Variants in CNTNAP5 observed in about 807,000 individuals in gnomAD.
CNTNAP5 encodes contactin associated protein family member 5.
CNTNAP5 carries 72 observed loss-of-function variants against 150.2 expected under a neutral mutation model. The ratio of observed to expected loss-of-function variants is 0.48; its 90% CI spans 0.40 to 0.58. The LOEUF is 0.58. Among genes scored for constraint, CNTNAP5 ranks in the 20% least tolerant of loss-of-function variants. CNTNAP5 has a pLI of 0.00. For synonymous variants in CNTNAP5, 672 were observed against 619.8 expected (o/e 1.08, Z -1.25); for missense variants, 1,636 against 1,626.2 (o/e 1.01, Z -0.10).
chr2:124,790,192 C>T (rs549828539), intron 18 of CNTNAP5, 51 bp downstream of exon 18: 30 of 1,527,686 alleles, frequency 2.0e-5, no homozygotes, highest in Middle Eastern at 1.8e-4. Context: ...ATCACCTATA[C>T]GCTATGGTCA....
chr2:124,760,805 A>C (rs1005499088), intron 14 of CNTNAP5, among the ~76,000 whole-genome samples: 7 of 152,068 alleles, frequency 4.6e-5, no homozygotes, highest in African/African-American at 7.2e-5. Context: ...GTATGTATTG[A>C]GTTTCTACTA....
intron 7 of CNTNAP5, among the ~76,000 whole-genome samples, chr2:124,489,862 A>G (rs1390759756): frequency 2.0e-5 from 3 of 152,158 alleles, no homozygotes. Flanking sequence ...GCTCCCTTCA[A>G]GGAGCCTTCC....
At chr2:124,639,275 T>C (rs1273941659) in intron 12 of CNTNAP5, among the ~76,000 whole-genome samples, 1 of 152,142 alleles carries the variant, frequency 6.6e-6, no homozygotes, top group African/African-American at 2.4e-5. Flanking sequence ...AGACCACCCG[T>C]TGGAGAGGCC....
At position 124,099,764 on chromosome 2, in the gene CNTNAP5, G is replaced by A. The variant is rs115761492; in HGVS notation, c.82+74032G>A. On this transcript the variant is annotated intron_variant, in intron 1 of 23. Coordinates refer to ENST00000682447, the MANE Select transcript of CNTNAP5 (RefSeq NM_001367498.1). The stretch of plus-strand genomic sequence containing the variant: ...GGCAGAAGAGGGGCAGGCACCTTAC[G>A]TGGCAGGAACAGGACCAAGAGAACA... Among the ~76,000 whole-genome samples the A allele has an allele frequency of 7.6e-3, 1,162 of 152,196 alleles. 9 individuals are homozygous for A. The highest frequency in any genetic ancestry group is 0.026 in the African/African-American group (1,080 of 41,518).
intron 3 of CNTNAP5, among the ~76,000 whole-genome samples, chr2:124,251,180 A>T (rs1430707492): frequency 6.6e-6 from 1 of 152,144 alleles, no homozygotes; most frequent in Non-Finnish European, 1.5e-5. Context: ...GATGCCCCTA[A>T]GTTTGTCTAA....
chr2:124,739,390 G>C (rs1680453438), intron 13 of CNTNAP5, among the ~76,000 whole-genome samples: 1 of 152,066 alleles, frequency 6.6e-6, no homozygotes, highest in Non-Finnish European at 1.5e-5. Flanking sequence ...TCTCAGAAAC[G>C]GTATTCTATT....
Position 124,602,445 on chromosome 2 carries a change from G to A in CNTNAP5, c.1757-7356G>A, listed in dbSNP as rs113539960. ...ATCAATATTCTCTCATTTTTATTTC[G>A]ACTATCCCCTCCTCACTTGTTTGAT... On this transcript the variant is annotated intron_variant, in intron 11 of 23. Transcript: ENST00000682447. Among the ~76,000 whole-genome samples, 1,345 of 149,666 alleles carry A rather than the reference G, an allele frequency of 9.0e-3. 20 individuals carry two copies. Among genetic ancestry groups the A allele is most frequent in the African/African-American group, 0.03 (1,233 of 40,602 alleles).
chr2:124,557,132 G>A (rs1385682261), intron 10 of CNTNAP5, among the ~76,000 whole-genome samples: 1 of 151,902 alleles, frequency 6.6e-6, no homozygotes, highest in East Asian at 1.9e-4. Context: ...CAAAAATACA[G>A]CTCAATGGAC....
chr2:124,760,166 T>C (rs1253879477), intron 14 of CNTNAP5, among the ~76,000 whole-genome samples: 1 of 151,572 alleles, frequency 6.6e-6, no homozygotes, highest in South Asian at 2.1e-4. Flanking sequence ...GGGTGTGGGG[T>C]CTCTTGAGGT....
intron 11 of CNTNAP5, among the ~76,000 whole-genome samples, chr2:124,581,145 A>T (rs1664230954): frequency 6.6e-6 from 1 of 152,202 alleles, no homozygotes; most frequent in Admixed American, 6.5e-5. Context: ...AGGCGGTAGG[A>T]AACAAGGCTG....
intron 16 of CNTNAP5, among the ~76,000 whole-genome samples, chr2:124,771,862 A>G (rs1295940317): frequency 5.3e-5 from 8 of 151,698 alleles, no homozygotes; most frequent in Non-Finnish European, 1.2e-4. Context: ...TGCCAGTGCC[A>G]TCACTACCAT....
chr2:124,662,465 T>G (rs1173320978), intron 13 of CNTNAP5, among the ~76,000 whole-genome samples: 1 of 152,254 alleles, frequency 6.6e-6, no homozygotes, highest in East Asian at 1.9e-4. Flanking sequence ...AATGCCATTC[T>G]GCAGCACATG....
intron 1 of CNTNAP5, among the ~76,000 whole-genome samples, chr2:124,218,839 C>T (rs1686229814): frequency 6.6e-6 from 1 of 152,090 alleles, no homozygotes; most frequent in South Asian, 2.1e-4. Flanking sequence ...TCGCTGTAAT[C>T]ATAGTGAAAG....
At chr2:124,070,035 A>C (rs539673491) in intron 1 of CNTNAP5, among the ~76,000 whole-genome samples, 2 of 152,236 alleles carry the variant, frequency 1.3e-5, no homozygotes, top group East Asian at 3.9e-4. Flanking sequence ...AAAAGTTAAA[A>C]AGTGGGTGGG....
At chr2:124,553,782 G>A (rs1290097583) in intron 10 of CNTNAP5, among the ~76,000 whole-genome samples, 1 of 152,178 alleles carries the variant, frequency 6.6e-6, no homozygotes, top group African/African-American at 2.4e-5. Flanking sequence ...CAAAGAGACA[G>A]ACAGAGGAAG....
chr2:124,181,727 T>C (rs1200834365), intron 1 of CNTNAP5, among the ~76,000 whole-genome samples: 1 of 152,198 alleles, frequency 6.6e-6, no homozygotes, highest in Admixed American at 6.5e-5. Context: ...ATAGAAATCA[T>C]GTATCTCCTG....
intron 19 of CNTNAP5, among the ~76,000 whole-genome samples, chr2:124,846,388 A>C (rs1256685804): frequency 6.6e-6 from 1 of 152,002 alleles, no homozygotes; most frequent in African/African-American, 2.4e-5. Context: ...TTTCCGGTGC[A>C]TTTCTCTAAG....
At chr2:124,456,311 CAATAAATAAATA>C (rs747992261) in intron 6 of CNTNAP5, among the ~76,000 whole-genome samples, 1 of 151,682 alleles carries the variant, frequency 6.6e-6, no homozygotes, top group Non-Finnish European at 1.5e-5. Flanking sequence ...ACAATAACTG[CAATAAATAAATA>C]AATAAATAAA....
intron 14 of CNTNAP5, among the ~76,000 whole-genome samples, chr2:124,758,067 G>A (rs1218118170): frequency 2.0e-5 from 3 of 152,120 alleles, no homozygotes; most frequent in African/African-American, 7.2e-5. Context: ...ATTAGAAGCA[G>A]GGATCCAGTT....
Sources: allele counts gnomAD v4.1 joint callset (sites outside exome capture counted in the v4.1 genomes callset), GRCh38; gene constraint gnomAD v4.1.1; transcripts MANE v1.5; gene names NCBI Gene and HGNC (gene_info 2026-07-23, HGNC 2026-07-21).